Variants in BARX2 observed in about 807,000 individuals in gnomAD.
The protein encoded by BARX2 is homeobox protein BarH-like 2.
In BARX2, 11 loss-of-function variants were observed where a neutral mutation model predicts 25.5. The observed-to-expected ratio is 0.43, with a 90% confidence interval of 0.27 to 0.71. The LOEUF (loss-of-function observed/expected upper bound fraction) is 0.71. Among genes scored for constraint, BARX2 ranks in the 30% least tolerant of loss-of-function variants. BARX2 has a pLI of 0.19. For missense variants in BARX2, 360 were observed against 359.9 expected, an observed-to-expected ratio of 1.00 and a Z score of 0.00; for synonymous variants, 137 against 149.5, an observed-to-expected ratio of 0.92 and a Z score of 0.61.
intron 1 of BARX2, among the ~76,000 whole-genome samples, chr11:129,403,121 TGCTGCTTTACAGAGCTCCCA>T (rs1861794734): frequency 6.6e-6 from 1 of 152,250 alleles, no homozygotes; most frequent in East Asian, 1.9e-4. Flanking sequence ...CCTGCGGCTC[TGCTGCTTTACAGAGCTCCCA>T]GCTCAAGTGG....
intron 3 of BARX2, 61 bp downstream of exon 3, chr11:129,442,980 T>G: frequency 6.7e-7 from 1 of 1,483,340 alleles, no homozygotes; most frequent in Non-Finnish European, 9.4e-7. Flanking sequence ...ACTCCAGGGC[T>G]GTTGGGAGGG....
chr11:129,419,720 G>C (rs997740629), intron 1 of BARX2, among the ~76,000 whole-genome samples: 2 of 151,986 alleles, frequency 1.3e-5, no homozygotes, highest in Admixed American at 1.3e-4. Context: ...CTCTCTGCTT[G>C]TGGGCGGTTG....
intron 1 of BARX2, among the ~76,000 whole-genome samples, chr11:129,429,756 G>C (rs1862108880): frequency 6.6e-6 from 1 of 152,090 alleles, no homozygotes; most frequent in Non-Finnish European, 1.5e-5. Context: ...ACTATTTCTA[G>C]GGCCCCATAT....
In BARX2 at chr11:129,387,916, G is replaced by T. The variant is rs141260543; in HGVS notation, c.187+11694G>T. 1.0e-3 allele frequency among the ~76,000 whole-genome samples: 154 copies of T among 152,246 alleles called. 1 individual carries two copies. The highest frequency in any genetic ancestry group is 1.6e-3 in the Admixed American group (25 of 15,284). ...AGTTACTATTACCACTGCTTTTCAG[G>T]CAGGGAAAGTGAATCTCAAGGAGGT... is the stretch of plus-strand genomic sequence containing the variant. On this transcript the variant is annotated intron_variant, in intron 1 of 3. Transcript: ENST00000281437.
intron 1 of BARX2, among the ~76,000 whole-genome samples, chr11:129,383,684 C>T (rs1004367517): frequency 6.6e-6 from 1 of 152,176 alleles, no homozygotes; most frequent in Admixed American, 6.5e-5. Flanking sequence ...TTCCTCCATG[C>T]ACAGGTCAAA....
At chr11:129,378,425 T>A (rs1348905235) in intron 1 of BARX2, among the ~76,000 whole-genome samples, 3 of 152,216 alleles carry the variant, frequency 2.0e-5, no homozygotes, top group African/African-American at 7.2e-5. Flanking sequence ...CAAAGCATTT[T>A]TGTTTTTAAC....
chr11:129,375,849 CG>C lies in BARX2; in HGVS notation c.-184del, dbSNP rs1395420135. On this transcript the variant is annotated 5_prime_UTR_variant, in exon 1 of 4. Coordinates refer to ENST00000281437, the MANE Select transcript of BARX2 (RefSeq NM_003658.5). The surrounding 1 kb of genome is among the most constrained non-coding windows in gnomAD (Gnocchi z 4.0). Reference sequence around the variant, plus strand: ...AAGGCTCAGCGAAGATGCTGATCTGCGGGTGGGTCTAGACGCGCGGCAGGCG... The same window carrying C: ...AAGGCTCAGCGAAGATGCTGATCTGCGGTGGGTCTAGACGCGCGGCAGGCG... The C allele has an allele frequency of 6.3e-6, 1 of 158,232 alleles. No homozygotes were observed. The highest frequency in any genetic ancestry group is 1.4e-5 in the Non-Finnish European group (1 of 73,648). 9.8% of individuals were successfully genotyped at this position (158,232 alleles called of 1,614,324 possible).
At chr11:129,406,717 C>T (rs1169993293) in intron 1 of BARX2, among the ~76,000 whole-genome samples, 1 of 152,152 alleles carries the variant, frequency 6.6e-6, no homozygotes, top group Non-Finnish European at 1.5e-5. Context: ...TTCATAACTG[C>T]CTCTTTAGTT....
chr11:129,436,607 T>G lies in BARX2; in HGVS notation c.188-144T>G. 4 of 900,272 alleles carry G rather than the reference T, an allele frequency of 4.4e-6. No homozygotes were observed. Among genetic ancestry groups the G allele is most frequent in the Non-Finnish European group, 6.6e-6 (4 of 602,934 alleles). 55.8% of individuals were successfully genotyped at this position (900,272 alleles called of 1,614,324 possible). ...CTGCAGCTGTAGGTCTTGAGTTACC[T>G]CTCCTTCCCCTTCCTCCATCTGTAC... On this transcript the variant is annotated intron_variant, in intron 1 of 3. Coordinates refer to ENST00000281437, the MANE Select transcript of BARX2 (RefSeq NM_003658.5). This position sits in a 1 kb window ranked among gnomAD's most constrained non-coding sequence, Gnocchi z 4.5.
In BARX2 at chr11:129,451,446, A is replaced by G; in HGVS notation, c.*44A>G. On this transcript the variant is annotated 3_prime_UTR_variant, in exon 4 of 4. Coordinates refer to ENST00000281437, the MANE Select transcript of BARX2 (RefSeq NM_003658.5). ...GAAGAGGGAGACTGGGGAGAAGGGA[A>G]AAGAGAGAAGGCAGGGAGAGTAGGG... is the stretch of plus-strand genomic sequence containing the variant. The G allele has an allele frequency of 6.3e-7, 1 of 1,588,492 alleles. No homozygotes were observed. The highest frequency in any genetic ancestry group is 8.6e-7 in the Non-Finnish European group (1 of 1,163,676).
intron 1 of BARX2, among the ~76,000 whole-genome samples, chr11:129,380,683 A>G (rs1402856365): frequency 6.6e-6 from 1 of 152,202 alleles, no homozygotes; most frequent in Non-Finnish European, 1.5e-5. Flanking sequence ...GGGTAAATAA[A>G]TAGAGGGATG....
At chr11:129,423,063 G>A (rs1384090096) in intron 1 of BARX2, among the ~76,000 whole-genome samples, 1 of 151,640 alleles carries the variant, frequency 6.6e-6, no homozygotes, top group African/African-American at 2.4e-5. Flanking sequence ...TCAAGCCATA[G>A]AGAGATTTAA....
intron 1 of BARX2, among the ~76,000 whole-genome samples, chr11:129,391,593 C>G (rs1861666200): frequency 6.6e-6 from 1 of 152,134 alleles, no homozygotes; most frequent in Non-Finnish European, 1.5e-5. Flanking sequence ...ATCCAGGGTT[C>G]TGTTGTCATC....
chr11:129,395,315 T>G (rs1285639884), intron 1 of BARX2, among the ~76,000 whole-genome samples: 1 of 152,218 alleles, frequency 6.6e-6, no homozygotes, highest in Non-Finnish European at 1.5e-5. Context: ...ACAACTCTGC[T>G]GTCGCCAGTG....
chr11:129,375,721 C>T (rs1180378386), upstream of BARX2, among the ~76,000 whole-genome samples: 7 of 151,904 alleles, frequency 4.6e-5, no homozygotes, highest in South Asian at 1.2e-3. The surrounding 1 kb of genome is among the most constrained non-coding windows in gnomAD (Gnocchi z 4.0). Context: ...GCCGGAGTGG[C>T]ACGGGCGGGC....
intron 3 of BARX2, among the ~76,000 whole-genome samples, chr11:129,443,162 C>T (rs1182440028): frequency 1.3e-5 from 2 of 152,104 alleles, no homozygotes; most frequent in Non-Finnish European, 2.9e-5. Context: ...AAAAAGCTTA[C>T]AGGCTTTTAA....
In BARX2 at chr11:129,432,006, A is replaced by AT. The variant is rs1209118526; in HGVS notation, c.188-4739dup. On this transcript the variant is annotated intron_variant, in intron 1 of 3. Coordinates refer to ENST00000281437, the MANE Select transcript of BARX2 (RefSeq NM_003658.5). ...TTTATTTATTTTTATTTTTATTTTT[A>AT]TTTTTTGCATCTGGATGTCCAATTG... Among the ~76,000 whole-genome samples the AT allele has an allele frequency of 3.6e-5, 5 of 139,502 alleles. No individual in the cohort carries two copies. In the East Asian group the frequency reaches 8.2e-4, roughly 23 times the overall value. The allele number at this position is 139,502 out of a possible 152,430, so 91.5% of individuals were successfully genotyped here.
intron 1 of BARX2, among the ~76,000 whole-genome samples, chr11:129,430,056 A>G (rs541745384): frequency 2.6e-5 from 4 of 151,968 alleles, no homozygotes; most frequent in East Asian, 1.9e-4. Flanking sequence ...CCACCTCCAC[A>G]GAGGGCAGCC....
intron 1 of BARX2, among the ~76,000 whole-genome samples, chr11:129,397,749 G>T (rs1360753519): frequency 2.6e-5 from 4 of 152,360 alleles, no homozygotes; most frequent in African/African-American, 9.6e-5. Context: ...GATGGGGGAA[G>T]GTGGGTGTGC....
Sources: allele counts gnomAD v4.1 joint callset (sites outside exome capture counted in the v4.1 genomes callset), GRCh38; gene constraint gnomAD v4.1.1; non-coding constraint Gnocchi (gnomAD v3.1); transcripts MANE v1.5; gene names NCBI Gene and HGNC (gene_info 2026-07-23, HGNC 2026-07-21).